SYCP2: variants seen among roughly 807,000 people sequenced by gnomAD.
The protein encoded by SYCP2 is synaptonemal complex lateral element protein.
A neutral mutation model predicts 211.3 loss-of-function variants in SYCP2; 55 were observed. The observed-to-expected ratio is 0.26, with a 90% CI of 0.21 to 0.33. The LOEUF (loss-of-function observed/expected upper bound fraction) is 0.33, where lower values mean the gene tolerates loss of function less well. Among genes scored for constraint, SYCP2 ranks in the 10% least tolerant of loss-of-function variants. The probability of loss-of-function intolerance (pLI) is 1.00; values close to 1 mark genes in which losing one functional copy is unlikely to be tolerated. For missense variants in SYCP2, 1,731 were observed against 1,752.0 expected, an observed-to-expected ratio of 0.99 and a Z score of 0.21; for synonymous variants, 570 against 555.2, an observed-to-expected ratio of 1.03 and a Z score of -0.37.
intron 33 of SYCP2, among the ~76,000 whole-genome samples, chr20:59,875,776 A>C (rs1465362238): frequency 6.6e-6 from 1 of 152,120 alleles, no homozygotes; most frequent in Non-Finnish European, 1.5e-5. Context: ...ATAGTATTTG[A>C]GATACTAAGG....
chr20:59,870,138 A>C (rs1234473627), intron 35 of SYCP2, among the ~76,000 whole-genome samples, 155 bp from the exon 36 acceptor site: 1 of 151,844 alleles, frequency 6.6e-6, no homozygotes, highest in Non-Finnish European at 1.5e-5. Context: ...ACTAAAAATA[A>C]AAAATCCTTA....
In SYCP2 at chr20:59,923,879, C is replaced by T. The variant is rs6071030; in HGVS notation, c.-46-1420G>A. ...ACCCAGAAGAAGAAAGAAAAACAGACAACACAAAGTAAGGTGATAGATTAA... is the reference window on the plus strand; with the variant it reads ...ACCCAGAAGAAGAAAGAAAAACAGATAACACAAAGTAAGGTGATAGATTAA... On this transcript the variant is annotated intron_variant, in intron 2 of 44. Coordinates refer to ENST00000357552, the MANE Select transcript of SYCP2 (RefSeq NM_014258.4). 7.9e-5 allele frequency among the ~76,000 whole-genome samples: 12 copies of T among 151,852 alleles called. No individual in the cohort carries two copies. In the East Asian group the frequency reaches 2.3e-3, roughly 29 times the overall value.
intron 39 of SYCP2, 59 bp from the exon 40 acceptor site, chr20:59,866,648 C>G: frequency 9.1e-7 from 1 of 1,096,270 alleles, no homozygotes; most frequent in Non-Finnish European, 1.3e-6. Context: ...CTAACCAAGA[C>G]TACAGTAACA....
intron 38 of SYCP2, 119 bp downstream of exon 38, chr20:59,868,294 T>C (rs1341671268): frequency 7.1e-6 from 7 of 987,610 alleles, no homozygotes; most frequent in Non-Finnish European, 8.9e-6. Context: ...TAAAGCATCA[T>C]CCATCTTGGA....
intron 31 of SYCP2, among the ~76,000 whole-genome samples, chr20:59,879,154 A>G (rs1248160400): frequency 1.3e-5 from 2 of 152,050 alleles, no homozygotes; most frequent in African/African-American, 4.8e-5. Context: ...GAATCTTACT[A>G]TATTTATCTT....
chr20:59,927,907 G>A (rs141656112), intron 2 of SYCP2, among the ~76,000 whole-genome samples: 82 of 152,254 alleles, frequency 5.4e-4, no homozygotes, highest in African/African-American at 1.9e-3. Flanking sequence ...GAGAAAGTCA[G>A]TATTTTGTTC....
At chr20:59,920,006 T>C (rs1600981390) in intron 5 of SYCP2, among the ~76,000 whole-genome samples, 1 of 151,672 alleles carries the variant, frequency 6.6e-6, no homozygotes, top group South Asian at 2.1e-4. Flanking sequence ...TAGGTGCCAA[T>C]AATGTAGCAA....
chr20:59,876,743 T>C (rs576746357), intron 33 of SYCP2, among the ~76,000 whole-genome samples: 4 of 152,210 alleles, frequency 2.6e-5, no homozygotes, highest in Admixed American at 1.3e-4. Context: ...AGTTGACACA[T>C]TGTAAGCACT....
chr20:59,911,883 A>C, intron 13 of SYCP2, 38 bp from the exon 14 acceptor site: 2 of 1,070,496 alleles, frequency 1.9e-6, no homozygotes, highest in South Asian at 3.5e-5. Context: ...ATATACAATG[A>C]TTTTAGAAAT....
chr20:59,893,539 G>T lies in SYCP2; in HGVS notation c.1720C>A (p.Pro574Thr), dbSNP rs780264248. ...AGGTACTTACTAAAATTTTGGTTTG[G>T]GAATTCAACATTCTTATTTTCTGTG... ...ENTENKNVEFPNQNFSELQDV... is the reference protein window; with the variant it reads ...ENTENKNVEFTNQNFSELQDV... Residue 574 changes from proline to threonine, a missense_variant, in exon 21 of 45, where the codon CCA (proline) becomes ACA (threonine). Coordinates refer to ENST00000357552, the MANE Select transcript of SYCP2 (RefSeq NM_014258.4). 5 of 1,606,852 alleles carry T rather than the reference G, an allele frequency of 3.1e-6. No homozygotes were observed. The highest frequency in any genetic ancestry group is 3.4e-5 in the Admixed American group (2 of 59,504).
intron 8 of SYCP2, among the ~76,000 whole-genome samples, 158 bp downstream of exon 8, chr20:59,916,328 G>C (rs111342807): frequency 6.6e-6 from 1 of 152,096 alleles, no homozygotes; most frequent in Non-Finnish European, 1.5e-5. Flanking sequence ...TAAATTTTCA[G>C]TAAGTATTTC....
intron 14 of SYCP2, among the ~76,000 whole-genome samples, chr20:59,908,740 G>A (rs1402766159): frequency 6.6e-6 from 1 of 152,010 alleles, no homozygotes; most frequent in African/African-American, 2.4e-5. Flanking sequence ...GTATGTTGTA[G>A]CAATTTTGTT....
chr20:59,919,241 A>T, intron 6 of SYCP2, 59 bp from the exon 7 acceptor site: 1 of 898,032 alleles, frequency 1.1e-6, no homozygotes, highest in Non-Finnish European at 1.7e-6. Context: ...AACCATTACA[A>T]TATTATAAAC....
chr20:59,874,152 G>A (rs1360153760), intron 34 of SYCP2, 91 bp from the exon 35 acceptor site: 1 of 618,968 alleles, frequency 1.6e-6, no homozygotes, highest in Non-Finnish European at 2.5e-6. Context: ...TAAATTCTAA[G>A]AATTTGTCAG....
At chr20:59,907,230 G>A in intron 15 of SYCP2, 134 bp downstream of exon 15, 1 of 640,996 alleles carries the variant, frequency 1.6e-6, no homozygotes, top group Non-Finnish European at 2.7e-6. Flanking sequence ...GGTGTTTGAT[G>A]AATTTCTGAA....
chr20:59,921,180 A>G, intron 4 of SYCP2, 130 bp downstream of exon 4: 1 of 627,656 alleles, frequency 1.6e-6, no homozygotes, highest in South Asian at 3.0e-5. Flanking sequence ...TGGTGAAATA[A>G]GCATTTATTT....
In SYCP2 at chr20:59,919,168, G is replaced by A. The variant is rs1222643985; in HGVS notation, c.417C>T (p.Val139=). The A allele has an allele frequency of 7.9e-7, 1 of 1,271,144 alleles. No homozygotes were observed. Among genetic ancestry groups the A allele is most frequent in the South Asian group, 1.3e-5 (1 of 77,816 alleles). The allele number at this position is 1,271,144 out of a possible 1,614,324, so 78.7% of individuals were successfully genotyped here. ...AAGTGTTTATTATACCTTCATCACT[G>A]ACATCATGTATGACCTGAAAAAAAG... The part of the protein sequence containing the change: ...LVDLLLVIHD[V]SDEGKKQVVE... The change falls in exon 7 of 45, where the codon GTC becomes GTT. Residue 139 remains valine (V), a synonymous_variant. Coordinates refer to ENST00000357552, the MANE Select transcript of SYCP2 (RefSeq NM_014258.4).
At chr20:59,866,167 A>G (rs1489770583) in intron 41 of SYCP2, 126 bp downstream of exon 41, 1 of 561,224 alleles carries the variant, frequency 1.8e-6, no homozygotes, top group African/African-American at 2.0e-5. Flanking sequence ...GAAATCTAAG[A>G]TAAAACTAAA....
At chr20:59,918,791 ACT>A (rs1396487334) in intron 7 of SYCP2, among the ~76,000 whole-genome samples, 1 of 152,100 alleles carries the variant, frequency 6.6e-6, no homozygotes. Context: ...CAGAACACTA[ACT>A]CTGAACCCTA....
Sources: allele counts gnomAD v4.1 joint callset (sites outside exome capture counted in the v4.1 genomes callset), GRCh38; gene constraint gnomAD v4.1.1; transcripts MANE v1.5; gene names NCBI Gene and HGNC (gene_info 2026-07-23, HGNC 2026-07-21).